MMP16: variants seen among roughly 807,000 people sequenced by gnomAD.
MMP16 encodes the protein matrix metalloproteinase-16.
A neutral mutation model predicts 67.8 loss-of-function variants in MMP16; 12 were observed. The observed-to-expected ratio is 0.18, with a 90% CI of 0.11 to 0.29. The LOEUF (loss-of-function observed/expected upper bound fraction) is 0.29. Among genes scored for constraint, MMP16 ranks in the 10% least tolerant of loss-of-function variants. The probability of loss-of-function intolerance (pLI) is 1.00; values close to 1 mark genes in which losing one functional copy is unlikely to be tolerated. For synonymous variants in MMP16, 249 were observed against 255.9 expected (o/e 0.97, Z 0.26); for missense variants, 475 against 765.7 (o/e 0.62, Z 4.48).
intron 1 of MMP16, among the ~76,000 whole-genome samples, chr8:88,240,106 T>C (rs1810011319): frequency 6.6e-6 from 1 of 152,152 alleles, no homozygotes; most frequent in Non-Finnish European, 1.5e-5. Context: ...GGAGTCAACT[T>C]ACGCAATGCC....
intron 6 of MMP16, 138 bp from the exon 7 acceptor site, chr8:88,074,881 A>G (rs1808619601): frequency 8.7e-7 from 1 of 1,143,180 alleles, no homozygotes; most frequent in East Asian, 2.4e-5. Flanking sequence ...AGAAAGAGCT[A>G]AACAACTTGA....
chr8:88,239,990 GCTGCCGGCCTTGAGGT>G (rs1474504329), intron 1 of MMP16, among the ~76,000 whole-genome samples: 1 of 152,142 alleles, frequency 6.6e-6, no homozygotes, highest in Non-Finnish European at 1.5e-5. Context: ...AGCCTTTAAT[GCTGCCGGCCTTGAGGT>G]CTGCCTTCAG....
chr8:88,265,850 T>C (rs1473136503), intron 1 of MMP16, among the ~76,000 whole-genome samples: 2 of 151,334 alleles, frequency 1.3e-5, no homozygotes, highest in African/African-American at 2.4e-5. Flanking sequence ...TTTTCCCAAG[T>C]AGGTGAAAGC....
At chr8:88,045,698 T>C (rs1808191045) in intron 9 of MMP16, among the ~76,000 whole-genome samples, 1 of 152,118 alleles carries the variant, frequency 6.6e-6, no homozygotes, top group East Asian at 1.9e-4. Context: ...CAATCACAGT[T>C]TTCAGTGGTA....
chr8:88,092,728 A>G (rs1808958702), intron 6 of MMP16, among the ~76,000 whole-genome samples: 1 of 151,952 alleles, frequency 6.6e-6, no homozygotes, highest in Non-Finnish European at 1.5e-5. Context: ...AGGCATTTTT[A>G]AATTAAAAAA....
chr8:88,127,699 T>C (rs1209128295), intron 4 of MMP16, among the ~76,000 whole-genome samples: 3 of 151,878 alleles, frequency 2.0e-5, no homozygotes, highest in Non-Finnish European at 4.4e-5. Flanking sequence ...TATAGAAATA[T>C]TTCACATTAT....
chr8:88,139,791 C>T lies in MMP16; in HGVS notation c.710-20930G>A, dbSNP rs28907601. On this transcript the variant is annotated intron_variant, in intron 4 of 9. Transcript: ENST00000286614. ...CTATGCTTTTACTTTCAAAATATTGCTATACTTCTTTGTCTTGAATGTTTT... is the reference window on the plus strand; with the variant it reads ...CTATGCTTTTACTTTCAAAATATTGTTATACTTCTTTGTCTTGAATGTTTT... Among the ~76,000 whole-genome samples the T allele has an allele frequency of 6.3e-3, 961 of 152,088 alleles. 5 individuals are homozygous for T. Among genetic ancestry groups the T allele is most frequent in the African/African-American group, 0.022 (910 of 41,502 alleles).
At chr8:88,054,234 C>A (rs996550397) in intron 8 of MMP16, among the ~76,000 whole-genome samples, 1 of 152,078 alleles carries the variant, frequency 6.6e-6, no homozygotes, top group African/African-American at 2.4e-5. Flanking sequence ...TTTTCTGTCC[C>A]CTAGTAGCTA....
intron 1 of MMP16, among the ~76,000 whole-genome samples, chr8:88,306,326 T>G (rs1811211181): frequency 6.6e-6 from 1 of 152,092 alleles, no homozygotes; most frequent in South Asian, 2.1e-4. Flanking sequence ...CAGCACCAGA[T>G]AGATTCACAG....
intron 1 of MMP16, among the ~76,000 whole-genome samples, chr8:88,321,102 T>G (rs1203777631): frequency 1.3e-5 from 2 of 152,204 alleles, no homozygotes; most frequent in Non-Finnish European, 2.9e-5. Flanking sequence ...AATTTTTTAT[T>G]GTTCACATAA....
intron 3 of MMP16, among the ~76,000 whole-genome samples, chr8:88,183,739 G>T (rs1809021784): frequency 1.1e-5 from 1 of 93,312 alleles, no homozygotes; most frequent in Non-Finnish European, 2.2e-5. Context: ...TTTTGAGATG[G>T]AGTTTCACTC....
intron 1 of MMP16, among the ~76,000 whole-genome samples, chr8:88,302,619 T>G (rs1314313345): frequency 1.3e-5 from 2 of 151,206 alleles, no homozygotes; most frequent in Admixed American, 1.3e-4. Context: ...AGTAGGAAAA[T>G]AGGTATGCAT....
chr8:88,228,340 GAT>G (rs1477556075), intron 1 of MMP16, among the ~76,000 whole-genome samples: 4 of 152,066 alleles, frequency 2.6e-5, no homozygotes, highest in Non-Finnish European at 1.5e-5. Flanking sequence ...ATTTTTAACA[GAT>G]ATCAAAATAA....
chr8:88,068,862 T>C (rs1317729613), intron 7 of MMP16, among the ~76,000 whole-genome samples: 4 of 151,954 alleles, frequency 2.6e-5, no homozygotes, highest in African/African-American at 9.7e-5. Context: ...CCACCAAGCC[T>C]GGCTAATTTT....
chr8:88,191,091 T>A (rs1175389742), intron 2 of MMP16, among the ~76,000 whole-genome samples: 1 of 152,144 alleles, frequency 6.6e-6, no homozygotes, highest in African/African-American at 2.4e-5. Flanking sequence ...TAGATAATTT[T>A]AAAATTAGGT....
chr8:88,099,191 T>G (rs1015477760), intron 6 of MMP16, among the ~76,000 whole-genome samples: 11 of 151,752 alleles, frequency 7.2e-5, no homozygotes, highest in Non-Finnish European at 1.5e-4. Context: ...CAGAATTATT[T>G]AAATAAAAGC....
At chr8:88,263,480 C>G (rs1810422803) in intron 1 of MMP16, among the ~76,000 whole-genome samples, 1 of 152,156 alleles carries the variant, frequency 6.6e-6, no homozygotes, top group African/African-American at 2.4e-5. Context: ...ATATCACAGA[C>G]TGGGTGGCTT....
chr8:88,161,916 G>C (rs1330160561), intron 4 of MMP16, among the ~76,000 whole-genome samples: 1 of 152,054 alleles, frequency 6.6e-6, no homozygotes, highest in Non-Finnish European at 1.5e-5. Flanking sequence ...TGTGGTCTGA[G>C]AGACAGTTTG....
chr8:88,323,799 C>T (rs758826084), intron 1 of MMP16, among the ~76,000 whole-genome samples: 1 of 151,478 alleles, frequency 6.6e-6, no homozygotes, highest in Non-Finnish European at 1.5e-5. Flanking sequence ...AAAAAAAAGC[C>T]ACAGGATCAT....
Sources: allele counts gnomAD v4.1 joint callset (sites outside exome capture counted in the v4.1 genomes callset), GRCh38; gene constraint gnomAD v4.1.1; transcripts MANE v1.5; gene names NCBI Gene and HGNC (gene_info 2026-07-23, HGNC 2026-07-21).